The following ELMO1 variants were observed in gnomAD, a reference collection of about 807,000 sequenced individuals.
ELMO1 encodes engulfment and cell motility 1.
A neutral mutation model predicts 98.9 loss-of-function variants in ELMO1; 26 were observed. That is an observed-to-expected ratio of 0.26 (90% CI 0.19 to 0.36). ELMO1 has a LOEUF of 0.36. Ranked by LOEUF, ELMO1 falls within the 10% of genes least tolerant of loss-of-function variation. The probability of loss-of-function intolerance (pLI) is 1.00; values close to 1 mark genes in which losing one functional copy is unlikely to be tolerated. For missense variants in ELMO1, 627 were observed against 935.2 expected (o/e 0.67, Z 4.30); for synonymous variants, 346 against 346.0 (o/e 1.00, Z 0.00).
chr7:37,153,261 C>A (rs1788486324), intron 13 of ELMO1, among the ~76,000 whole-genome samples: 1 of 152,124 alleles, frequency 6.6e-6, no homozygotes, highest in Non-Finnish European at 1.5e-5. Context: ...ACTGAGGTAC[C>A]TGGTTCATCT....
At chr7:36,939,654 C>A (rs536218081) in intron 16 of ELMO1, among the ~76,000 whole-genome samples, 1 of 152,224 alleles carries the variant, frequency 6.6e-6, no homozygotes, top group Non-Finnish European at 1.5e-5. Context: ...CACATATAGA[C>A]AAGGGTTCCC....
chr7:36,866,814 T>C (rs1803065441), intron 20 of ELMO1, among the ~76,000 whole-genome samples: 1 of 152,176 alleles, frequency 6.6e-6, no homozygotes, highest in African/African-American at 2.4e-5. Context: ...TTCTGGTCAA[T>C]TCTCCTTTTA....
chr7:37,232,009 C>T (rs768841207), intron 8 of ELMO1, among the ~76,000 whole-genome samples: 14 of 152,076 alleles, frequency 9.2e-5, no homozygotes, highest in Non-Finnish European at 1.3e-4. Flanking sequence ...CCCACCACTG[C>T]GCCCGGCTAA....
At chr7:37,222,557 T>C in intron 10 of ELMO1, 58 bp downstream of exon 10, 1 of 1,542,628 alleles carries the variant, frequency 6.5e-7, no homozygotes, top group Non-Finnish European at 8.9e-7. Flanking sequence ...GAGGGCGTTC[T>C]CTGCACACAA....
intron 16 of ELMO1, among the ~76,000 whole-genome samples, chr7:36,915,466 C>T (rs911164837): frequency 6.6e-6 from 1 of 152,164 alleles, no homozygotes; most frequent in African/African-American, 2.4e-5. Flanking sequence ...AAGCAAAGAT[C>T]TCCAAAGCTG....
At chr7:37,147,994 C>T (rs1788109084) in intron 13 of ELMO1, among the ~76,000 whole-genome samples, 2 of 152,268 alleles carry the variant, frequency 1.3e-5, no homozygotes, top group South Asian at 4.1e-4. Flanking sequence ...TGTGCCACTA[C>T]AGAAACAGGA....
At chr7:36,949,786 C>G (rs954820697) in intron 16 of ELMO1, among the ~76,000 whole-genome samples, 2 of 152,040 alleles carry the variant, frequency 1.3e-5, no homozygotes, top group Non-Finnish European at 2.9e-5. Context: ...TCACTAGATA[C>G]CAGTGCCCTC....
chr7:37,102,761 C>T (rs1274899558), intron 14 of ELMO1, among the ~76,000 whole-genome samples: 1 of 152,240 alleles, frequency 6.6e-6, no homozygotes, highest in Non-Finnish European at 1.5e-5. Flanking sequence ...CAAGGTCACA[C>T]AGCACAGAAA....
At chr7:36,944,891 C>A (rs781677662) in intron 16 of ELMO1, among the ~76,000 whole-genome samples, 3 of 152,174 alleles carry the variant, frequency 2.0e-5, no homozygotes, top group Non-Finnish European at 2.9e-5. Context: ...GCTGCCCCAC[C>A]AGAAAAGCAA....
At chr7:36,939,520 C>G (rs181534407) in intron 16 of ELMO1, among the ~76,000 whole-genome samples, 72 of 152,338 alleles carry the variant, frequency 4.7e-4, no homozygotes, top group Non-Finnish European at 6.2e-4. Context: ...AGAGTAGATC[C>G]TATTCCAACT....
intron 13 of ELMO1, among the ~76,000 whole-genome samples, chr7:37,177,438 A>G (rs1263509708): frequency 6.6e-6 from 1 of 152,248 alleles, no homozygotes; most frequent in African/African-American, 2.4e-5. Context: ...AATTGGAAGC[A>G]TAGTAATTAG....
At chr7:37,356,858 A>T (rs192317976) in intron 1 of ELMO1, among the ~76,000 whole-genome samples, 153 of 152,302 alleles carry the variant, frequency 1.0e-3, no homozygotes, top group Admixed American at 1.6e-3. Flanking sequence ...AATAAATAAA[A>T]AAATCCTCTT....
chr7:37,297,752 A>T (rs947094829), intron 4 of ELMO1, among the ~76,000 whole-genome samples: 8 of 152,198 alleles, frequency 5.3e-5, no homozygotes, highest in Non-Finnish European at 1.2e-4. Context: ...CTGAGGAATG[A>T]CTATGGGCCA....
At chr7:37,407,464 C>T (rs1329641055) in intron 1 of ELMO1, among the ~76,000 whole-genome samples, 1 of 147,918 alleles carries the variant, frequency 6.8e-6, no homozygotes, top group Non-Finnish European at 1.5e-5. Context: ...GCTGAGACTG[C>T]ACCACTGCAT....
At chr7:37,159,544 A>G (rs1789049982) in intron 13 of ELMO1, among the ~76,000 whole-genome samples, 2 of 152,142 alleles carry the variant, frequency 1.3e-5, no homozygotes, top group South Asian at 4.1e-4. Flanking sequence ...CTACTAAAAT[A>G]CAAAAATTAG....
At chr7:36,953,953 A>G (rs1166740634) in intron 16 of ELMO1, among the ~76,000 whole-genome samples, 1 of 151,796 alleles carries the variant, frequency 6.6e-6, no homozygotes, top group East Asian at 1.9e-4. Context: ...TCAATACAAA[A>G]TTACTATCTT....
intron 1 of ELMO1, among the ~76,000 whole-genome samples, chr7:37,397,363 G>A (rs1218628779): frequency 6.6e-6 from 1 of 152,178 alleles, no homozygotes; most frequent in Non-Finnish European, 1.5e-5. Context: ...TTGATAGAAG[G>A]CTCAAGCCCA....
chr7:36,955,419 C>T (rs1004170779), intron 16 of ELMO1, among the ~76,000 whole-genome samples: 16 of 152,192 alleles, frequency 1.1e-4, no homozygotes, highest in Non-Finnish European at 1.8e-4. Context: ...AAACCACACA[C>T]TGAACAGGTG....
At chr7:36,866,127 C>A (rs1803015856) in intron 20 of ELMO1, among the ~76,000 whole-genome samples, 1 of 152,158 alleles carries the variant, frequency 6.6e-6, no homozygotes, top group African/African-American at 2.4e-5. Context: ...GACCTAAAAG[C>A]CCCAAATTCA....
Sources: gnomAD v4.1 joint callset for allele counts (sites outside exome capture counted in the v4.1 genomes callset) on GRCh38, gnomAD v4.1.1 for gene constraint, MANE v1.5 for transcripts, NCBI Gene and HGNC (gene_info 2026-07-23, HGNC 2026-07-21) for gene names.